TMEM272: variants seen among roughly 807,000 people sequenced by gnomAD.
TMEM272 encodes the protein transmembrane protein 272.
A neutral mutation model predicts 3.7 loss-of-function variants in TMEM272; 8 were observed. That is an observed-to-expected ratio of 2.17 (90% CI 1.27 to 3.91). TMEM272 has a LOEUF of 3.91. Among genes scored for constraint, TMEM272 ranks in the 30% most tolerant of loss-of-function variants. TMEM272 has a pLI of 0.00. For synonymous variants in TMEM272, 63 were observed against 39.8 expected, an observed-to-expected ratio of 1.58 and a Z score of -2.20; for missense variants, 166 against 91.5, an observed-to-expected ratio of 1.81 and a Z score of -3.32.
the TMEM272 span, among the ~76,000 whole-genome samples, chr13:51,859,505 A>AACACACACACACAC: frequency 3.9e-3 from 503 of 129,922 alleles, 3 homozygotes; most frequent in Middle Eastern, 7.6e-3. Flanking sequence ...CTCCCAACCA[A>AACACACACACACAC]ACACACACAC....
the TMEM272 span, among the ~76,000 whole-genome samples, chr13:51,913,776 T>C: frequency 1.3e-5 from 2 of 151,950 alleles, no homozygotes; most frequent in Non-Finnish European, 2.9e-5. Flanking sequence ...AGTACAAACA[T>C]CTGATGCCTC....
the TMEM272 span, chr13:51,910,290 G>C: frequency 7.0e-7 from 1 of 1,425,652 alleles, no homozygotes. Flanking sequence ...ATCCTCTAAA[G>C]ATGACTCTAC....
At chr13:51,902,869 T>C in the TMEM272 span, among the ~76,000 whole-genome samples, 135,878 of 152,282 alleles carry the variant, frequency 0.89, 61,431 homozygotes, top group East Asian at 0.97. Context: ...TGACAGCAAT[T>C]GGTTATTGGC....
the TMEM272 span, among the ~76,000 whole-genome samples, chr13:51,869,731 G>A: frequency 4.0e-5 from 6 of 151,886 alleles, no homozygotes; most frequent in Non-Finnish European, 7.4e-5. Context: ...CTCGTGATCC[G>A]CCCACCTCAG....
chr13:51,842,514 T>C (rs1397444297), intron 1 of TMEM272, among the ~76,000 whole-genome samples: 1 of 152,204 alleles, frequency 6.6e-6, no homozygotes, highest in Non-Finnish European at 1.5e-5. Flanking sequence ...TTTGGAATAC[T>C]TTCTTTAAAA....
At chr13:51,849,071 T>C (rs1956319747), upstream of TMEM272, among the ~76,000 whole-genome samples, 1 of 152,196 alleles carries the variant, frequency 6.6e-6, no homozygotes. Context: ...TAAGTTTTCA[T>C]TTTCCTTTTG....
At chr13:51,873,936 C>T in the TMEM272 span, among the ~76,000 whole-genome samples, 1 of 152,216 alleles carries the variant, frequency 6.6e-6, no homozygotes, top group Non-Finnish European at 1.5e-5. Flanking sequence ...AATTTTCCGT[C>T]TCATCTGTGA....
At position 51,840,206 on chromosome 13, in the gene TMEM272, C is replaced by G. The variant is rs79569686; in HGVS notation, c.-23-1653G>C. Among the ~76,000 whole-genome samples the G allele has an allele frequency of 5.7e-3, 864 of 152,146 alleles. 2 individuals carry two copies. The highest frequency in any genetic ancestry group is 8.5e-3 in the Non-Finnish European group (579 of 67,992). On this transcript the variant is annotated intron_variant, in intron 1 of 4. Coordinates refer to ENST00000629372, the MANE Select transcript of TMEM272 (RefSeq NM_001351003.2). ...TTTGTGCCTTCAAAGCCCACAATCT[C>G]TCCACTTCACCCCAGAGCAATAAAG... is the stretch of plus-strand genomic sequence containing the variant.
chr13:51,901,136 CT>C, the TMEM272 span, among the ~76,000 whole-genome samples: 3 of 151,060 alleles, frequency 2.0e-5, no homozygotes, highest in African/African-American at 7.3e-5. Flanking sequence ...TAAAACTTTT[CT>C]TTTTTTTTCA....
At chr13:51,896,760 G>C in the TMEM272 span, among the ~76,000 whole-genome samples, 1 of 152,180 alleles carries the variant, frequency 6.6e-6, no homozygotes, top group Admixed American at 6.5e-5. Context: ...TGGTCGGCTT[G>C]GGGGTCTGAC....
At chr13:51,843,245 G>A (rs1056590443) in intron 1 of TMEM272, among the ~76,000 whole-genome samples, 4 of 152,108 alleles carry the variant, frequency 2.6e-5, no homozygotes, top group African/African-American at 9.7e-5. Context: ...TCAATTCAGA[G>A]GAAGCCCACA....
the TMEM272 span, among the ~76,000 whole-genome samples, chr13:51,864,072 T>C: frequency 6.6e-6 from 1 of 151,902 alleles, no homozygotes; most frequent in Non-Finnish European, 1.5e-5. Context: ...TCTTTCTCCT[T>C]CCCTCCCTCC....
At chr13:51,876,550 T>C in the TMEM272 span, among the ~76,000 whole-genome samples, 1 of 152,232 alleles carries the variant, frequency 6.6e-6, no homozygotes, top group Non-Finnish European at 1.5e-5. Context: ...ATTATTCACT[T>C]TTGTTAAATT....
intron 1 of TMEM272, among the ~76,000 whole-genome samples, chr13:51,844,208 A>G (rs1956285252): frequency 6.6e-6 from 1 of 151,340 alleles, no homozygotes; most frequent in African/African-American, 2.4e-5. Context: ...AAACATATAT[A>G]TATGTATATA....
the TMEM272 span, among the ~76,000 whole-genome samples, chr13:51,883,361 T>G: frequency 6.6e-6 from 1 of 152,178 alleles, no homozygotes; most frequent in Non-Finnish European, 1.5e-5. Context: ...ACCAAACGAA[T>G]GAGGTACGTG....
At chr13:51,888,634 T>C in the TMEM272 span, among the ~76,000 whole-genome samples, 3 of 125,306 alleles carry the variant, frequency 2.4e-5, no homozygotes, top group Non-Finnish European at 4.8e-5. Flanking sequence ...TTCTTTTTTC[T>C]TTTTCTTTTT....
the TMEM272 span, among the ~76,000 whole-genome samples, chr13:51,855,717 T>C: frequency 1.3e-5 from 2 of 151,928 alleles, no homozygotes; most frequent in Non-Finnish European, 2.9e-5. Flanking sequence ...GTAGAAAATA[T>C]ACAGACTAAA....
At chr13:51,830,572 A>G (rs1956164656) in intron 2 of TMEM272, among the ~76,000 whole-genome samples, 1 of 152,232 alleles carries the variant, frequency 6.6e-6, no homozygotes, top group African/African-American at 2.4e-5. Context: ...CACTAAACGC[A>G]GGGTCTGGCA....
At chr13:51,839,812 C>T (rs1218131337) in intron 1 of TMEM272, among the ~76,000 whole-genome samples, 1 of 152,244 alleles carries the variant, frequency 6.6e-6, no homozygotes. Context: ...ATGCAGCCCG[C>T]AGCTTCTCTC....
Sources: gnomAD v4.1 joint callset for allele counts (sites outside exome capture counted in the v4.1 genomes callset) on GRCh38, gnomAD v4.1.1 for gene constraint, MANE v1.5 for transcripts, NCBI Gene and HGNC (gene_info 2026-07-23, HGNC 2026-07-21) for gene names.